Variants in ACOT11 observed in about 807,000 individuals in gnomAD.
The protein encoded by ACOT11 is acyl-CoA thioesterase 11, also known as acyl-coenzyme A thioesterase 11.
In ACOT11, 69 loss-of-function variants were observed where a neutral mutation model predicts 77.5. The ratio of observed to expected loss-of-function variants is 0.89; its 90% CI spans 0.73 to 1.09. The LOEUF (loss-of-function observed/expected upper bound fraction) is 1.09. ACOT11 is among the 50% of genes least tolerant of loss of function. ACOT11 has a pLI of 0.00. For synonymous variants in ACOT11, 279 were observed against 313.0 expected (o/e 0.89, Z 1.15); for missense variants, 766 against 813.7 (o/e 0.94, Z 0.71).
chr1:54,583,046 C>A (rs920281334), intron 1 of ACOT11, among the ~76,000 whole-genome samples: 2 of 152,134 alleles, frequency 1.3e-5, no homozygotes, highest in Non-Finnish European at 2.9e-5. Context: ...GCCCCCAGCG[C>A]ACAACCAAGC....
intron 6 of ACOT11, among the ~76,000 whole-genome samples, chr1:54,596,218 C>T (rs944363380): frequency 7.2e-5 from 11 of 152,048 alleles, no homozygotes; most frequent in Admixed American, 4.6e-4. Flanking sequence ...ATACCCTCCC[C>T]GTCCTGTCTC....
intron 3 of ACOT11, among the ~76,000 whole-genome samples, chr1:54,586,269 CTTGG>C (rs1190036949): frequency 1.3e-5 from 2 of 150,778 alleles, no homozygotes; most frequent in African/African-American, 4.9e-5. Flanking sequence ...CCTTTTTGAG[CTTGG>C]ACATTCTCTT....
intron 1 of ACOT11, among the ~76,000 whole-genome samples, chr1:54,567,718 A>T (rs1653784697): frequency 6.6e-6 from 1 of 151,798 alleles, no homozygotes; most frequent in Non-Finnish European, 1.5e-5. Flanking sequence ...AACTGGCACC[A>T]CCCTGTCCCT....
chr1:54,632,606 TAAAC>T (rs1644305622), intron 16 of ACOT11, among the ~76,000 whole-genome samples: 2 of 152,210 alleles, frequency 1.3e-5, no homozygotes, highest in Non-Finnish European at 1.5e-5. Flanking sequence ...AAAGTGAAAT[TAAAC>T]GAACAGGAGA....
Position 54,599,298 on chromosome 1 carries a change from G to A in ACOT11, c.767G>A (p.Arg256Gln), listed in dbSNP as rs141264387. The A allele has an allele frequency of 9.7e-6, 15 of 1,553,008 alleles. No individual in the cohort carries two copies. Among genetic ancestry groups the A allele is most frequent in the South Asian group, 6.0e-5 (5 of 83,314 alleles). The part of the protein sequence containing the change: ...MENVATIAAS[R>Q]LCRAHPTLKA... ...TCTCCCCACCCCTGCCTCCTCAGCC[G>A]GCTCTGCCGTGCCCACCCTACGCTG... The change falls in exon 8 of 16, where the codon CGG becomes CAG. Residue 256 changes from arginine (R) to glutamine (Q), a missense_variant and splice_region_variant. Transcript: ENST00000343744.
intron 6 of ACOT11, among the ~76,000 whole-genome samples, chr1:54,596,608 C>G (rs750997511): frequency 5.9e-5 from 9 of 152,204 alleles, no homozygotes; most frequent in Non-Finnish European, 1.2e-4. Flanking sequence ...GAGTCTCACT[C>G]TGTTGCCCAG....
At chr1:54,592,770 T>G (rs972688050) in intron 4 of ACOT11, among the ~76,000 whole-genome samples, 164 bp downstream of exon 4, 1 of 152,220 alleles carries the variant, frequency 6.6e-6, no homozygotes, top group African/African-American at 2.4e-5. Context: ...CCCAAGGATC[T>G]TCCTGTCCCA....
At chr1:54,562,883 T>TGGGATG (rs1403998740) in intron 1 of ACOT11, among the ~76,000 whole-genome samples, 2 of 121,360 alleles carry the variant, frequency 1.6e-5, no homozygotes, top group Non-Finnish European at 3.5e-5. Flanking sequence ...ACTTCCTAGA[T>TGGGATG]GGGATGGCGG....
intron 12 of ACOT11, 37 bp from the exon 13 acceptor site, chr1:54,605,039 C>T: frequency 6.3e-7 from 1 of 1,589,834 alleles, no homozygotes; most frequent in Non-Finnish European, 8.6e-7. Context: ...GTCCACTCCA[C>T]CACCCAGCAA....
intron 13 of ACOT11, 104 bp downstream of exon 13, chr1:54,605,313 G>A (rs1410871791): frequency 1.4e-6 from 2 of 1,463,978 alleles, no homozygotes; most frequent in Admixed American, 4.5e-5. Flanking sequence ...TGCCCTGCTG[G>A]GGCTGGGGGT....
At chr1:54,612,776 T>C (rs529826390), downstream of ACOT11, 1 of 1,224,396 alleles carries the variant, frequency 8.2e-7, no homozygotes, top group Non-Finnish European at 1.2e-6. Context: ...CTCTGGGGTC[T>C]CATCACAGTG....
intron 1 of ACOT11, among the ~76,000 whole-genome samples, chr1:54,564,114 C>G (rs1653650917): frequency 6.6e-6 from 1 of 150,996 alleles, no homozygotes; most frequent in Non-Finnish European, 1.5e-5. Context: ...TGCCTGTAGT[C>G]TCAGCTACTC....
At chr1:54,601,438 C>T in intron 9 of ACOT11, 25 bp downstream of exon 9, 2 of 1,604,262 alleles carry the variant, frequency 1.2e-6, no homozygotes, top group Non-Finnish European at 1.7e-6. Flanking sequence ...CGCCCTGCCC[C>T]ACCAGCAGCT....
chr1:54,599,222 AT>A (rs1254855988), intron 7 of ACOT11, 73 bp from the exon 8 acceptor site: 21 of 160,188 alleles, frequency 1.3e-4, no homozygotes, highest in African/African-American at 1.3e-3. Flanking sequence ...ATATATATAT[AT>A]AAAAATCTGG....
At position 54,610,329 on chromosome 1, in the gene ACOT11, A is replaced by G; in HGVS notation, c.*1217A>G. The G allele has an allele frequency of 6.4e-7, 1 of 1,558,432 alleles. No homozygotes were observed. Among genetic ancestry groups the G allele is most frequent in the Admixed American group, 1.9e-5 (1 of 53,408 alleles). ...TAAATAAACCTGTGTTGCCATGGCAACAGAGACCGGCGGTACCTGCCCCAA... is the reference window on the plus strand; with the variant it reads ...TAAATAAACCTGTGTTGCCATGGCAGCAGAGACCGGCGGTACCTGCCCCAA... On this transcript the variant is annotated 3_prime_UTR_variant, in exon 16 of 16. Coordinates refer to ENST00000343744, the MANE Select transcript of ACOT11 (RefSeq NM_147161.4).
In ACOT11 at chr1:54,609,350, C is replaced by A. The variant is rs1353131522; in HGVS notation, c.*238C>A. ...GTAGACTCGGGTCCTGTCCACAGCCCTAGCTGCCAGCAATGCTGTCCTCAC... is the reference window on the plus strand; with the variant it reads ...GTAGACTCGGGTCCTGTCCACAGCCATAGCTGCCAGCAATGCTGTCCTCAC... On this transcript the variant is annotated 3_prime_UTR_variant, in exon 16 of 16. Transcript: ENST00000343744. 6.2e-7 allele frequency: 1 copy of A among 1,614,180 alleles called. No homozygotes were observed. The highest frequency in any genetic ancestry group is 8.5e-7 in the Non-Finnish European group (1 of 1,180,020).
downstream of ACOT11, chr1:54,612,513 A>G (rs181419788): frequency 7.9e-5 from 127 of 1,613,964 alleles, 1 homozygote; most frequent in East Asian, 2.7e-3. Context: ...CAGCCAGCTG[A>G]AGTGGGGCCA....
intron 16 of ACOT11, among the ~76,000 whole-genome samples, chr1:54,631,681 G>GA (rs1160699240): frequency 3.9e-5 from 6 of 152,116 alleles, no homozygotes; most frequent in Admixed American, 2.6e-4. Flanking sequence ...TAGAGCTTGG[G>GA]AAAAAATCAC....
At chr1:54,587,477 C>T (rs1557657796) in intron 3 of ACOT11, among the ~76,000 whole-genome samples, 1 of 150,908 alleles carries the variant, frequency 6.6e-6, no homozygotes, top group Non-Finnish European at 1.5e-5. Flanking sequence ...CGCACCACTG[C>T]ACTCCAGCCT....
Sources: gnomAD v4.1 joint callset for allele counts (sites outside exome capture counted in the v4.1 genomes callset) on GRCh38, gnomAD v4.1.1 for gene constraint, MANE v1.5 for transcripts, NCBI Gene and HGNC (gene_info 2026-07-23, HGNC 2026-07-21) for gene names.